AMBN: variants seen among roughly 807,000 people sequenced by gnomAD.
AMBN encodes ameloblastin.
Under a neutral mutation model 48.0 loss-of-function variants are expected in AMBN, and 54 were observed. That is an observed-to-expected ratio of 1.12 (90% CI 0.90 to 1.41). AMBN has a LOEUF of 1.41. AMBN is among the 40% of genes most tolerant of loss of function. AMBN has a pLI of 0.00. For missense variants in AMBN, 571 were observed against 547.3 expected (o/e 1.04, Z -0.43); for synonymous variants, 186 against 190.0 (o/e 0.98, Z 0.17).
rs1324647060 is a variant in AMBN, at chr4:70,606,233, G to T, written c.847G>T (p.Gly283Ter). 1 of 1,614,092 alleles carries T rather than the reference G, an allele frequency of 6.2e-7. No homozygotes were observed. Among genetic ancestry groups the T allele is most frequent in the African/African-American group, 1.3e-5 (1 of 75,038 alleles). ...CTATGGAGCCATGTTTCCAGGATTT[G>T]GAGGCATGAGGCCCGGCTTTGAGGG... ...MAYGAMFPGF[G>*]GMRPGFEGMP... The change falls in exon 13 of 13, where the codon GGA becomes TGA. Residue 283 changes from glycine to a stop codon, truncating the protein, a stop_gained. Transcript: ENST00000322937. LOFTEE classifies it low-confidence loss of function (END_TRUNC).
intron 6 of AMBN, 150 bp from the exon 7 acceptor site, chr4:70,602,474 A>G: frequency 1.7e-6 from 1 of 586,510 alleles, no homozygotes; most frequent in African/African-American, 1.9e-5. Flanking sequence ...AGAAAGTAAA[A>G]TAATGAAACT....
In AMBN at chr4:70,606,264, C is replaced by T; in HGVS notation, c.878C>T (p.Pro293Leu). Residue 293 changes from proline (P) to leucine (L), a missense_variant, in exon 13 of 13, where the codon CCC (proline) becomes CTC (leucine). By Grantham distance (98) the Pro-to-Leu change is moderately conservative. Transcript: ENST00000322937. ...GGMRPGFEGM[P>L]HNPAMGGDFT... The stretch of plus-strand genomic sequence containing the variant: ...ATGAGGCCCGGCTTTGAGGGAATGC[C>T]CCACAACCCAGCTATGGGCGGTGAC... 1 of 1,614,112 alleles carries T rather than the reference C, an allele frequency of 6.2e-7. No homozygotes were observed.
chr4:70,602,691 C>T, intron 7 of AMBN, 29 bp downstream of exon 7: 3 of 1,534,254 alleles, frequency 2.0e-6, no homozygotes, highest in Non-Finnish European at 2.6e-6. Flanking sequence ...GAGACACTTT[C>T]TGTATTTTAT....
In AMBN at chr4:70,606,699, T is replaced by G. The variant is rs1258166089; in HGVS notation, c.1313T>G (p.Met438Arg). 1.2e-6 allele frequency: 2 copies of G among 1,613,650 alleles called. No homozygotes were observed. The highest frequency in any genetic ancestry group is 1.7e-5 in the Admixed American group (1 of 59,970). The change falls in exon 13 of 13, where the codon ATG becomes AGG. Residue 438 changes from methionine (M) to arginine (R), a missense_variant. By Grantham distance (91) the Met-to-Arg change is moderately conservative. Coordinates refer to ENST00000322937, the MANE Select transcript of AMBN (RefSeq NM_016519.6). ...PGNKAQEPEM[M>R]HDAWHFQEP The stretch of plus-strand genomic sequence containing the variant: ...AACAAAGCCCAGGAGCCCGAGATGA[T>G]GCATGACGCATGGCATTTCCAAGAG...
rs1335125451 is a variant in AMBN, at chr4:70,595,918, G to A, written c.85-1081G>A. 2.6e-5 allele frequency among the ~76,000 whole-genome samples: 4 copies of A among 152,196 alleles called. No homozygotes were observed. The South Asian group carries it at 8.3e-4, about 32-fold the overall frequency. ...TGCCTATCATCCTGGCACTTTGGGA[G>A]GCCAAGGCAGGAGGATTACTTGAGC... On this transcript the variant is annotated intron_variant, in intron 2 of 12. Coordinates refer to ENST00000322937, the MANE Select transcript of AMBN (RefSeq NM_016519.6).
In AMBN at chr4:70,594,064, G is replaced by GA. The variant is rs947984659; in HGVS notation, c.84+676dup. ...TGAAATGGAAAGAGGAAATTTCTTTGAAAAAAATACATTTTCTTCATTTCA... is the reference window on the plus strand; with the variant it reads ...TGAAATGGAAAGAGGAAATTTCTTTGAAAAAAAATACATTTTCTTCATTTCA... On this transcript the variant is annotated intron_variant, in intron 2 of 12. Transcript: ENST00000322937. Among the ~76,000 whole-genome samples, 16 of 152,046 alleles carry GA rather than the reference G, an allele frequency of 1.1e-4. No individual in the cohort carries two copies. The East Asian group carries it at 2.9e-3, about 28-fold the overall frequency.
At position 70,606,775 on chromosome 4, in the gene AMBN, G is replaced by A. The variant is rs971101156; in HGVS notation, c.*45G>A. 1.4e-5 allele frequency: 22 copies of A among 1,561,226 alleles called. No individual in the cohort carries two copies. The highest frequency in any genetic ancestry group is 1.8e-5 in the Non-Finnish European group (21 of 1,153,180). On this transcript the variant is annotated 3_prime_UTR_variant, in exon 13 of 13. Transcript: ENST00000322937. Reference sequence around the variant, plus strand: ...ACTTTCTGTATGCACAAGCTTCCCAGCTTTGTCCCCACAGTGTACCTTTTT... The same window carrying A: ...ACTTTCTGTATGCACAAGCTTCCCAACTTTGTCCCCACAGTGTACCTTTTT...
At position 70,603,086 on chromosome 4, in the gene AMBN, C is replaced by T. The variant is rs539396380; in HGVS notation, c.648+76C>T. 82 of 1,480,388 alleles carry T rather than the reference C, an allele frequency of 5.5e-5. 1 individual carries two copies. In the South Asian group the frequency reaches 1.0e-3, roughly 19 times the overall value. The allele number at this position is 1,480,388 out of a possible 1,614,324, so 91.7% of individuals were successfully genotyped here. On this transcript the variant is annotated intron_variant, in intron 9 of 12. Transcript: ENST00000322937. ...TTCAAAAAATAAGAGTGAATTTTTT[C>T]ATTGTCCCATTTATCCATGAATATG...
chr4:70,606,803 T>C lies in AMBN; in HGVS notation c.*73T>C. 2 of 1,484,212 alleles carry C rather than the reference T, an allele frequency of 1.3e-6. No homozygotes were observed. Among genetic ancestry groups the C allele is most frequent in the South Asian group, 1.3e-5 (1 of 75,304 alleles). 91.9% of individuals were successfully genotyped at this position (1,484,212 alleles called of 1,614,324 possible). ...TTGTCCCCACAGTGTACCTTTTTGC[T>C]AAAACACTTATTACCCTTCTGCAGC... On this transcript the variant is annotated 3_prime_UTR_variant, in exon 13 of 13. Coordinates refer to ENST00000322937, the MANE Select transcript of AMBN (RefSeq NM_016519.6).
rs138774045 is a variant in AMBN at position 70,592,982 on chromosome 4, C to A, written c.16-345C>A. On this transcript the variant is annotated intron_variant, in intron 1 of 12. Coordinates refer to ENST00000322937, the MANE Select transcript of AMBN (RefSeq NM_016519.6). ...ACTTCTGTGAATAATACCTTATAGA[C>A]CAATATTTTACTTAGTGGGAAGGAT... 2.0e-5 allele frequency among the ~76,000 whole-genome samples: 3 copies of A among 152,082 alleles called. No homozygotes were observed. In the South Asian group the frequency reaches 6.2e-4, roughly 32 times the overall value.
chr4:70,598,290 T>C lies in AMBN; in HGVS notation c.136-66T>C, dbSNP rs368927637. 2,909 of 1,138,424 alleles carry C rather than the reference T, an allele frequency of 2.6e-3. 105 individuals are homozygous for C. In the South Asian group the frequency reaches 0.055, roughly 21 times the overall value. The allele number at this position is 1,138,424 out of a possible 1,614,324, so 70.5% of individuals were successfully genotyped here. Reference sequence around the variant, plus strand: ...TTTGTGTTGATAATGTCAAATATCATGAGAAATCAGTTGTGTCAAACACAG... The same window carrying C: ...TTTGTGTTGATAATGTCAAATATCACGAGAAATCAGTTGTGTCAAACACAG... On this transcript the variant is annotated intron_variant, in intron 3 of 12. Transcript: ENST00000322937.
chr4:70,598,432 ATGG>A, intron 4 of AMBN, 29 bp downstream of exon 4: 3 of 1,555,656 alleles, frequency 1.9e-6, no homozygotes, highest in Non-Finnish European at 2.6e-6. Context: ...GCAAGTATTC[ATGG>A]TGGTGGTAGT....
At position 70,593,411 on chromosome 4, in the gene AMBN, G is replaced by C; in HGVS notation, c.84+16G>C. The stretch of plus-strand genomic sequence containing the variant: ...TGCAGTGCCGGTAAGTCAGTCTTTA[G>C]AGTGTGTCCCAGAAAAGGTTATTGA... On this transcript the variant is annotated intron_variant, in intron 2 of 12. Transcript: ENST00000322937. The C allele has an allele frequency of 1.3e-6, 2 of 1,599,926 alleles. No homozygotes were observed. Among genetic ancestry groups the C allele is most frequent in the South Asian group, 1.1e-5 (1 of 90,650 alleles).
In AMBN at chr4:70,592,358, C is replaced by A; in HGVS notation, c.-1C>A. 6.2e-7 allele frequency: 1 copy of A among 1,614,070 alleles called. No homozygotes were observed. Among genetic ancestry groups the A allele is most frequent in the Non-Finnish European group, 8.5e-7 (1 of 1,179,950 alleles). On this transcript the variant is annotated 5_prime_UTR_variant, in exon 1 of 13. Coordinates refer to ENST00000322937, the MANE Select transcript of AMBN (RefSeq NM_016519.6). ...ATCATCAGGCCCTGAGAGCACAGTG[C>A]ATGTCAGCATCTAAGGTAAAATGGG... is the stretch of plus-strand genomic sequence containing the variant.
chr4:70,603,724 C>T (rs1399931364), intron 11 of AMBN, among the ~76,000 whole-genome samples, 153 bp from the exon 12 acceptor site: 2 of 152,102 alleles, frequency 1.3e-5, no homozygotes, highest in African/African-American at 4.8e-5. Flanking sequence ...GAGTTGACTA[C>T]ATTTATTCCA....
chr4:70,600,337 AAAC>A (rs1313895205), intron 5 of AMBN, among the ~76,000 whole-genome samples: 1 of 152,102 alleles, frequency 6.6e-6, no homozygotes, highest in Non-Finnish European at 1.5e-5. Context: ...TAAAAAAAAA[AAAC>A]ATCATGAACC....
chr4:70,595,756 T>G (rs1207805550), intron 2 of AMBN, among the ~76,000 whole-genome samples: 1 of 152,126 alleles, frequency 6.6e-6, no homozygotes, highest in Non-Finnish European at 1.5e-5. Flanking sequence ...AAAATCCAAT[T>G]TACTCTAATT....
intron 1 of AMBN, 45 bp from the exon 2 acceptor site, chr4:70,593,282 A>G (rs774730846): frequency 6.7e-7 from 1 of 1,501,044 alleles, no homozygotes; most frequent in South Asian, 1.2e-5. Context: ...ACCATTCTGA[A>G]TAAAAATTCA....
At position 70,602,961 on chromosome 4, in the gene AMBN, C is replaced by T. The variant is rs567531034; in HGVS notation, c.610-11C>T. On this transcript the variant is annotated splice_polypyrimidine_tract_variant and intron_variant, in intron 8 of 12. Transcript: ENST00000322937. The stretch of plus-strand genomic sequence containing the variant: ...TTTGACTGATAATTTTAATATTTAT[C>T]TGTAATATAGCTCCCAGGATTGGAT... 1 of 1,593,774 alleles carries T rather than the reference C, an allele frequency of 6.3e-7. No individual in the cohort carries two copies. Among genetic ancestry groups the T allele is most frequent in the Non-Finnish European group, 8.5e-7 (1 of 1,169,764 alleles).
Sources: allele counts gnomAD v4.1 joint callset (sites outside exome capture counted in the v4.1 genomes callset), GRCh38; gene constraint gnomAD v4.1.1; transcripts MANE v1.5; gene names NCBI Gene and HGNC (gene_info 2026-07-23, HGNC 2026-07-21).